NDUFS3: variants seen among roughly 807,000 people sequenced by gnomAD.
The protein encoded by NDUFS3 is NADH dehydrogenase [ubiquinone] iron-sulfur protein 3, mitochondrial.
Under a neutral mutation model 30.8 loss-of-function variants are expected in NDUFS3, and 19 were observed. That is an observed-to-expected ratio of 0.62 (90% CI 0.43 to 0.91). The LOEUF is 0.91. Among genes scored for constraint, NDUFS3 ranks in the 40% least tolerant of loss-of-function variants. The pLI is 0.00. For synonymous variants in NDUFS3, 153 were observed against 135.8 expected, an observed-to-expected ratio of 1.13 and a Z score of -0.88; for missense variants, 331 against 342.0, an observed-to-expected ratio of 0.97 and a Z score of 0.25.
Position 47,584,444 on chromosome 11 carries a change from A to G in NDUFS3, c.758A>G (p.Lys253Arg), listed in dbSNP as rs1285791918. 4 of 1,614,118 alleles carry G rather than the reference A, an allele frequency of 2.5e-6. No homozygotes were observed. The highest frequency in any genetic ancestry group is 2.7e-5 in the African/African-American group (2 of 75,032). The change falls in exon 7 of 7, where the codon AAG becomes AGG. Residue 253 changes from lysine (K) to arginine (R), a missense_variant. By Grantham distance (26) the Lys-to-Arg change is conservative. Coordinates refer to ENST00000263774, the MANE Select transcript of NDUFS3 (RefSeq NM_004551.3). ...TATCGCCAACCCCCGGAGAGTCTCA[A>G]GCTTGAAGCCGGAGACAAGAAGCCT... ...PVYRQPPESL[K>R]LEAGDKKPDA... is the part of the protein sequence containing the mutation.
intron 6 of NDUFS3, among the ~76,000 whole-genome samples, chr11:47,583,579 T>C (rs1212507784): frequency 6.6e-6 from 1 of 152,200 alleles, no homozygotes; most frequent in Non-Finnish European, 1.5e-5. Context: ...TGCAGGAAGA[T>C]AGTGTGTAAT....
At chr11:47,579,215 G>A (rs566320092) in intron 1 of NDUFS3, 54 bp from the exon 2 acceptor site, 2 of 1,614,018 alleles carry the variant, frequency 1.2e-6, no homozygotes, top group African/African-American at 2.7e-5. Flanking sequence ...GCCCAGTGCA[G>A]AGAGCTCCTC....
At chr11:47,581,937 C>A in intron 4 of NDUFS3, 151 bp from the exon 5 acceptor site, 1 of 1,023,074 alleles carries the variant, frequency 9.8e-7, no homozygotes, top group Non-Finnish European at 1.5e-6. Context: ...ACATGCTAAG[C>A]TACAGCTGTG....
rs1280472825 is a variant in NDUFS3, at chr11:47,579,318, C to T, written c.117C>T (p.Ala39=). Residue 39 remains alanine (A), a synonymous_variant, in exon 2 of 7, where the codon GCC becomes GCT. Transcript: ENST00000263774. ...TGCTGCCGGTGAGGCGGGAGAGCGC[C>T]GGGGCCGACACGCGCCGTGAGTATG... ...VLLLPVRRES[A]GADTRPTVRP... 5 of 1,613,826 alleles carry T rather than the reference C, an allele frequency of 3.1e-6. No individual in the cohort carries two copies. The highest frequency in any genetic ancestry group is 4.5e-5 in the East Asian group (2 of 44,898).
chr11:47,582,896 C>T (rs968190821), intron 6 of NDUFS3, among the ~76,000 whole-genome samples: 18 of 152,040 alleles, frequency 1.2e-4, no homozygotes, highest in African/African-American at 4.3e-4. Context: ...GCTCAAGAGG[C>T]TGAGGTGGGA....
At chr11:47,581,657 G>C in intron 4 of NDUFS3, 1 of 271,670 alleles carries the variant, frequency 3.7e-6, no homozygotes, top group East Asian at 9.2e-5. Context: ...GAAATAACAT[G>C]AAGTATTTGT....
chr11:47,583,263 C>G (rs931069271), intron 6 of NDUFS3, among the ~76,000 whole-genome samples: 5 of 152,096 alleles, frequency 3.3e-5, no homozygotes, highest in Admixed American at 3.3e-4. Flanking sequence ...GTTGCCCAAA[C>G]TGGTCTCGAA....
chr11:47,579,194 C>A lies in NDUFS3; in HGVS notation c.67+36C>A, dbSNP rs563517864. The A allele has an allele frequency of 1.1e-5, 18 of 1,613,600 alleles. No individual in the cohort carries two copies. The East Asian group carries it at 3.6e-4, about 32-fold the overall frequency. ...GCAGCCAGCTGAGACCGGGGTCAGG[C>A]GCAGCGGCGTGCCCAGTGCAGAGAG... On this transcript the variant is annotated intron_variant, in intron 1 of 6. Coordinates refer to ENST00000263774, the MANE Select transcript of NDUFS3 (RefSeq NM_004551.3).
chr11:47,579,083 C>T lies in NDUFS3; in HGVS notation c.-9C>T. 1 of 1,561,136 alleles carries T rather than the reference C, an allele frequency of 6.4e-7. No individual in the cohort carries two copies. On this transcript the variant is annotated 5_prime_UTR_variant, in exon 1 of 7. Transcript: ENST00000263774. ...TTTCCGTCCGCTGCCTAGTCTGCAT[C>T]TGAGTAACATGGCGGCGGCGGCGGT...
At chr11:47,579,607 A>G in intron 2 of NDUFS3, 1 of 588,088 alleles carries the variant, frequency 1.7e-6, no homozygotes, top group Non-Finnish European at 3.0e-6. Context: ...TAGGCCTCAG[A>G]GCCCTGTAAT....
chr11:47,581,211 T>A, intron 4 of NDUFS3: 1 of 526,614 alleles, frequency 1.9e-6, no homozygotes, highest in Non-Finnish European at 3.4e-6. Context: ...TGGAGTGCAG[T>A]GGCATGATCT....
chr11:47,579,231 T>C, intron 1 of NDUFS3, 38 bp from the exon 2 acceptor site: 2 of 1,614,066 alleles, frequency 1.2e-6, no homozygotes, highest in Non-Finnish European at 1.7e-6. Flanking sequence ...TCCTCAGGGC[T>C]CATCCCGCGC....
rs1598802854 is a variant in NDUFS3 at position 47,579,336 on chromosome 11, T to C, written c.133+2T>C. ...AGAGCGCCGGGGCCGACACGCGCCG[T>C]GAGTATGTGCGGGCAGCGCTCTTCT... On this transcript the variant is annotated splice_donor_variant, in intron 2 of 6. Transcript: ENST00000263774. LOFTEE classifies it high-confidence loss of function. 1 of 1,613,090 alleles carries C rather than the reference T, an allele frequency of 6.2e-7. No homozygotes were observed. The highest frequency in any genetic ancestry group is 1.3e-5 in the African/African-American group (1 of 74,940).
chr11:47,580,938 T>G lies in NDUFS3; in HGVS notation c.335T>G (p.Val112Gly). The change falls in exon 4 of 7, where the codon GTT becomes GGT. Residue 112 changes from valine (V) to glycine (G), a missense_variant. Coordinates refer to ENST00000263774, the MANE Select transcript of NDUFS3 (RefSeq NM_004551.3). ...ACCAATGCACAGTTCAAATCTCTGG[T>G]TGACTTGACAGCAGTGGACGTCCCA... is the stretch of plus-strand genomic sequence containing the variant. The part of the protein sequence containing the change: ...DHTNAQFKSL[V>G]DLTAVDVPTR... 6.2e-7 allele frequency: 1 copy of G among 1,614,192 alleles called. No homozygotes were observed.
At position 47,579,138 on chromosome 11, in the gene NDUFS3, G is replaced by A; in HGVS notation, c.47G>A (p.Gly16Glu). 1 of 1,600,792 alleles carries A rather than the reference G, an allele frequency of 6.2e-7. No individual in the cohort carries two copies. Among genetic ancestry groups the A allele is most frequent in the Non-Finnish European group, 8.5e-7 (1 of 1,174,926 alleles). Residue 16 changes from glycine (G) to glutamate (E), a missense_variant, in exon 1 of 7, where the codon GGG becomes GAG. By Grantham distance (98) the Gly-to-Glu change is moderately conservative (BLOSUM62 -2). Transcript: ENST00000263774. ...VARLWWRGIL[G>E]ASALTRGTGR... ...AGGCTGTGGTGGCGCGGGATCTTGG[G>A]GGCCTCGGCGCTGACCAGGGGTGAG...
rs111303028 is a variant in NDUFS3, at chr11:47,579,153, C to T, written c.62C>T (p.Thr21Ile). 1.2e-5 allele frequency: 20 copies of T among 1,609,050 alleles called. No individual in the cohort carries two copies. The highest frequency in any genetic ancestry group is 9.3e-5 in the African/African-American group (7 of 74,978). Residue 21 changes from threonine (T) to isoleucine (I), a missense_variant, in exon 1 of 7, where the codon ACC (threonine) becomes ATC (isoleucine). Physicochemically the swap from Thr to Ile is moderately conservative, Grantham distance 89. Coordinates refer to ENST00000263774, the MANE Select transcript of NDUFS3 (RefSeq NM_004551.3). ...WRGILGASALTRGTGRPSVLL... is the reference protein window; with the variant it reads ...WRGILGASALIRGTGRPSVLL... ...GGGATCTTGGGGGCCTCGGCGCTGA[C>T]CAGGGGTGAGCACGGGCAGCCAGCT...
intron 6 of NDUFS3, among the ~76,000 whole-genome samples, chr11:47,582,945 C>T (rs1412461812): frequency 3.9e-5 from 6 of 151,986 alleles, no homozygotes; most frequent in African/African-American, 9.7e-5. Context: ...TGCAGTGAGC[C>T]GAGATCACGC....
chr11:47,584,234 A>G (rs2097270062), intron 6 of NDUFS3, 80 bp from the exon 7 acceptor site: 3 of 1,594,380 alleles, frequency 1.9e-6, no homozygotes, highest in East Asian at 2.2e-5. Context: ...GAAGTCACCA[A>G]TAGCCTTGTG....
At chr11:47,581,295 A>G (rs1270637368) in intron 4 of NDUFS3, 1 of 376,546 alleles carries the variant, frequency 2.7e-6, no homozygotes, top group African/African-American at 2.1e-5. Flanking sequence ...CTGGGACTAC[A>G]GGTGCATGCC....
Sources: allele counts gnomAD v4.1 joint callset (sites outside exome capture counted in the v4.1 genomes callset), GRCh38; gene constraint gnomAD v4.1.1; transcripts MANE v1.5; gene names NCBI Gene and HGNC (gene_info 2026-07-23, HGNC 2026-07-21).